Variants in DUOX1 observed in about 807,000 individuals in gnomAD.
DUOX1 encodes the protein NADPH thyroid oxidase 1.
In DUOX1, 134 loss-of-function variants were observed where a neutral mutation model predicts 181.8. The ratio of observed to expected loss-of-function variants is 0.74; its 90% confidence interval spans 0.64 to 0.85. The LOEUF (loss-of-function observed/expected upper bound fraction) is 0.85, where lower values mean the gene tolerates loss of function less well. Among genes scored for constraint, DUOX1 ranks in the 40% least tolerant of loss-of-function variants. The pLI, the probability that DUOX1 is intolerant of heterozygous loss-of-function variation, is 0.00. For synonymous variants in DUOX1, 798 were observed against 832.5 expected, an observed-to-expected ratio of 0.96 and a Z score of 0.71; for missense variants, 1,814 against 2,064.4, an observed-to-expected ratio of 0.88 and a Z score of 2.35.
At chr15:45,130,527 A>T (rs1411648123) in intron 1 of DUOX1, among the ~76,000 whole-genome samples, 1 of 152,198 alleles carries the variant, frequency 6.6e-6, no homozygotes, top group Non-Finnish European at 1.5e-5. Context: ...AAAAGCAGCC[A>T]TGTGGGGCAA....
intron 17 of DUOX1, 101 bp downstream of exon 17, chr15:45,144,336 G>A (rs879737135): frequency 1.5e-6 from 2 of 1,296,776 alleles, no homozygotes; most frequent in Non-Finnish European, 2.2e-6. Context: ...GGAAATGATA[G>A]TTACTGTGCA....
intron 28 of DUOX1, among the ~76,000 whole-genome samples, chr15:45,157,237 T>C (rs1328286319): frequency 6.6e-6 from 1 of 152,244 alleles, no homozygotes; most frequent in East Asian, 1.9e-4. Context: ...ACTGATGATA[T>C]GCGTTTCCTA....
chr15:45,150,482 T>G, intron 21 of DUOX1, 150 bp from the exon 22 acceptor site: 1 of 690,410 alleles, frequency 1.4e-6, no homozygotes, highest in Non-Finnish European at 2.5e-6. Flanking sequence ...GGACAAGGGC[T>G]GAGGTTGGAG....
At chr15:45,145,208 T>C (rs1021036186) in intron 18 of DUOX1, 128 bp downstream of exon 18, 14 of 890,964 alleles carry the variant, frequency 1.6e-5, no homozygotes, top group Non-Finnish European at 2.3e-5. Context: ...ATTGCAATTT[T>C]GGATGAATCA....
At chr15:45,134,729 A>G (rs1300864736) in intron 4 of DUOX1, among the ~76,000 whole-genome samples, 1 of 152,140 alleles carries the variant, frequency 6.6e-6, no homozygotes, top group Non-Finnish European at 1.5e-5. Flanking sequence ...ACTGAGGGGA[A>G]GTCAAAGTGG....
intron 9 of DUOX1, 34 bp from the exon 10 acceptor site, chr15:45,137,890 C>T (rs554745909): frequency 1.3e-6 from 2 of 1,533,658 alleles, no homozygotes; most frequent in East Asian, 2.3e-5. Flanking sequence ...ACCCCATTAT[C>T]TCAATCACCA....
At chr15:45,137,360 CAAA>C (rs748162336) in intron 9 of DUOX1, among the ~76,000 whole-genome samples, 8 of 46,466 alleles carry the variant, frequency 1.7e-4, no homozygotes, top group African/African-American at 7.8e-4. Context: ...AACTCCATCT[CAAA>C]AAAAAAAAAA....
At position 45,133,863 on chromosome 15, in the gene DUOX1, G is replaced by A; in HGVS notation, c.59-1G>A. The A allele has an allele frequency of 1.2e-6, 2 of 1,613,552 alleles. No homozygotes were observed. Among genetic ancestry groups the A allele is most frequent in the Non-Finnish European group, 1.7e-6 (2 of 1,179,778 alleles). On this transcript the variant is annotated splice_acceptor_variant, in intron 2 of 33. Transcript: ENST00000389037. LOFTEE classifies it high-confidence loss of function. ...TGCCCCTTCCCTCCATTCTCACACA[G>A]GAGCTCAGAACCCCATTTCGTGGGA...
At position 45,135,578 on chromosome 15, in the gene DUOX1, GC is replaced by G. The variant is rs1567008154; in HGVS notation, c.603del (p.Asp202ThrfsTer139). ...TCTCCAGGGGACAGCTGGCGTCGGG[GC>G]CCGACCCCGCTTTTCCCCGAGACTC... is the stretch of plus-strand genomic sequence containing the variant. ...SFSRGQLASGPDPAFPRDSQN... is the reference protein window; with the variant it reads ...SFSRGQLASGXDPAFPRDSQN... On this transcript the variant is annotated frameshift_variant, in exon 6 of 34. Transcript: ENST00000389037. LOFTEE classifies it high-confidence loss of function. The G allele has an allele frequency of 6.4e-7, 1 of 1,561,082 alleles. No individual in the cohort carries two copies. Among genetic ancestry groups the G allele is most frequent in the Admixed American group, 1.9e-5 (1 of 52,490 alleles).
At chr15:45,139,863 T>C in intron 12 of DUOX1, 1 of 575,138 alleles carries the variant, frequency 1.7e-6, no homozygotes. Context: ...ATAGTCACTA[T>C]CTTATTTACT....
At chr15:45,154,148 T>A in intron 27 of DUOX1, 148 bp downstream of exon 27, 1 of 736,044 alleles carries the variant, frequency 1.4e-6, no homozygotes, top group Non-Finnish European at 2.4e-6. Context: ...CACTACTGGG[T>A]GGGCAGGAGA....
chr15:45,150,623 G>C lies in DUOX1; in HGVS notation c.2819-9G>C. ...CTGAGCTGCTCCCTAGCCTGGCTCT[G>C]CTTTGCAGGGGTGGAGGTGCCTGAA... On this transcript the variant is annotated splice_polypyrimidine_tract_variant and intron_variant, in intron 21 of 33. Transcript: ENST00000389037. The C allele has an allele frequency of 4.3e-6, 7 of 1,613,808 alleles. No individual in the cohort carries two copies. The highest frequency in any genetic ancestry group is 5.9e-6 in the Non-Finnish European group (7 of 1,179,980).
At chr15:45,148,982 T>C (rs1224832731) in intron 21 of DUOX1, among the ~76,000 whole-genome samples, 4 of 152,126 alleles carry the variant, frequency 2.6e-5, no homozygotes, top group Non-Finnish European at 5.9e-5. Flanking sequence ...GCTGAATACA[T>C]GAAGACCCAG....
chr15:45,133,815 T>C (rs755561884), intron 2 of DUOX1, 49 bp from the exon 3 acceptor site: 4 of 1,547,074 alleles, frequency 2.6e-6, no homozygotes, highest in African/African-American at 1.4e-5. Context: ...CTGCCTGTCC[T>C]CTCACGCACT....
chr15:45,133,748 G>T (rs1896211677), intron 2 of DUOX1, 116 bp from the exon 3 acceptor site: 2 of 844,992 alleles, frequency 2.4e-6, no homozygotes, highest in Non-Finnish European at 3.9e-6. Context: ...ATCCACTTCA[G>T]GTATCCACTT....
At chr15:45,145,474 G>A (rs1896627627) in intron 18 of DUOX1, among the ~76,000 whole-genome samples, 3 of 152,182 alleles carry the variant, frequency 2.0e-5, no homozygotes, top group Admixed American at 2.0e-4. Context: ...GCCCTCCATG[G>A]GGCATTGATG....
At chr15:45,135,041 C>T in intron 4 of DUOX1, 63 bp from the exon 5 acceptor site, 4 of 1,580,210 alleles carry the variant, frequency 2.5e-6, no homozygotes, top group East Asian at 2.3e-5. Flanking sequence ...AAACTGGATA[C>T]CTAGGGTAAG....
chr15:45,140,644 G>T, intron 12 of DUOX1: 1 of 402,204 alleles, frequency 2.5e-6, no homozygotes, highest in Middle Eastern at 6.5e-4. Flanking sequence ...AGTTATGAAT[G>T]CGGATTGGCT....
At chr15:45,150,818 A>G in intron 22 of DUOX1, 117 bp downstream of exon 22, 1 of 974,704 alleles carries the variant, frequency 1.0e-6, no homozygotes, top group Non-Finnish European at 1.6e-6. Context: ...ACAAATTAGA[A>G]AAGGACACCC....
Sources: allele counts gnomAD v4.1 joint callset (sites outside exome capture counted in the v4.1 genomes callset), GRCh38; gene constraint gnomAD v4.1.1; transcripts MANE v1.5; gene names NCBI Gene and HGNC (gene_info 2026-07-23, HGNC 2026-07-21).